CGNL1: variants seen among roughly 807,000 people sequenced by gnomAD.
CGNL1 encodes cingulin like 1, also known as cingulin-like protein 1.
Under a neutral mutation model 141.2 loss-of-function variants are expected in CGNL1, and 132 were observed. The observed-to-expected ratio is 0.93, with a 90% CI of 0.81 to 1.08. The LOEUF is 1.08. Among genes scored for constraint, CGNL1 ranks in the 50% least tolerant of loss-of-function variants. CGNL1 has a pLI of 0.00. For missense variants in CGNL1, 1,870 were observed against 1,588.6 expected (o/e 1.18, Z -3.01); for synonymous variants, 690 against 622.1 (o/e 1.11, Z -1.63).
In CGNL1 at chr15:57,438,062, C is replaced by T. The variant is rs749013050; in HGVS notation, c.63C>T (p.Leu21=). Reference sequence around the variant, plus strand: ...AGGAATATGGGGTCCATCTGAGACTCGCAAGTGATGATACCCAAAAATCAA... The same window carrying T: ...AGGAATATGGGGTCCATCTGAGACTTGCAAGTGATGATACCCAAAAATCAA... ...VQQEYGVHLR[L]ASDDTQKSRS... The change falls in exon 2 of 19, where the codon CTC becomes CTT. Residue 21 remains leucine (L), a synonymous_variant. Coordinates refer to ENST00000281282, the MANE Select transcript of CGNL1 (RefSeq NM_032866.5). 1.1e-5 allele frequency: 18 copies of T among 1,613,990 alleles called. No homozygotes were observed. Among genetic ancestry groups the T allele is most frequent in the Middle Eastern group, 1.6e-4 (1 of 6,062 alleles).
intron 1 of CGNL1, among the ~76,000 whole-genome samples, chr15:57,404,369 G>A (rs1380407069): frequency 1.3e-5 from 2 of 152,160 alleles, no homozygotes; most frequent in African/African-American, 4.8e-5. Context: ...ATGTTTTATA[G>A]CTTGTAAGAT....
rs185129071 is a variant in CGNL1, at chr15:57,521,089, G to A, written c.2716-2400G>A. ...TTGATGAGCTTGTATTCCTGGCCTC[G>A]GAAATAGAGTCTCTGTAGCTACAGA... On this transcript the variant is annotated intron_variant, in intron 10 of 18. Transcript: ENST00000281282. Among the ~76,000 whole-genome samples the A allele has an allele frequency of 1.3e-4, 20 of 152,108 alleles. 1 individual carries two copies. Among genetic ancestry groups the A allele is most frequent in the Admixed American group, 5.2e-4 (8 of 15,278 alleles).
At chr15:57,545,549 G>T in intron 16 of CGNL1, 43 bp from the exon 17 acceptor site, 2 of 1,566,612 alleles carry the variant, frequency 1.3e-6, no homozygotes, top group South Asian at 1.2e-5. Flanking sequence ...CCCCTGCAGG[G>T]ATGGGAGTGA....
intron 1 of CGNL1, among the ~76,000 whole-genome samples, chr15:57,379,920 G>A (rs1188308404): frequency 6.6e-6 from 1 of 152,154 alleles, no homozygotes; most frequent in African/African-American, 2.4e-5. Flanking sequence ...TCAGCCTGGT[G>A]TCCCCCGTGT....
chr15:57,437,285 T>G (rs1303850797), intron 1 of CGNL1, among the ~76,000 whole-genome samples: 1 of 152,176 alleles, frequency 6.6e-6, no homozygotes, highest in Non-Finnish European at 1.5e-5. Context: ...CTATTGAACT[T>G]TTTTGCTAAG....
chr15:57,506,832 A>G (rs1396810596), intron 8 of CGNL1, among the ~76,000 whole-genome samples: 1 of 152,228 alleles, frequency 6.6e-6, no homozygotes, highest in Non-Finnish European at 1.5e-5. Context: ...TTTTAGAATA[A>G]TGAGAAAACT....
intron 8 of CGNL1, among the ~76,000 whole-genome samples, chr15:57,490,175 C>T (rs995877871): frequency 5.3e-5 from 8 of 152,110 alleles, no homozygotes; most frequent in Admixed American, 5.2e-4. Context: ...GGCTGTGTTA[C>T]TCTGCTATTA....
intron 12 of CGNL1, among the ~76,000 whole-genome samples, chr15:57,528,420 A>C (rs2031748272): frequency 6.6e-6 from 1 of 152,184 alleles, no homozygotes; most frequent in African/African-American, 2.4e-5. Context: ...AATATCTACC[A>C]AATAGAATTT....
At chr15:57,517,630 G>C (rs2030917517) in intron 9 of CGNL1, among the ~76,000 whole-genome samples, 1 of 152,192 alleles carries the variant, frequency 6.6e-6, no homozygotes, top group African/African-American at 2.4e-5. Context: ...CCTCTAGCGA[G>C]GGCCGTCCTT....
intron 1 of CGNL1, among the ~76,000 whole-genome samples, chr15:57,437,590 C>A: frequency 3.0e-5 from 1 of 33,100 alleles, no homozygotes. Flanking sequence ...AAATAAACAG[C>A]ATAAAGTTTC....
chr15:57,380,064 G>A (rs1468363201), intron 1 of CGNL1, among the ~76,000 whole-genome samples: 2 of 152,020 alleles, frequency 1.3e-5, no homozygotes, highest in Non-Finnish European at 2.9e-5. Context: ...TTGAGACTCT[G>A]CTCTGTCACC....
intron 8 of CGNL1, among the ~76,000 whole-genome samples, chr15:57,511,228 A>G (rs74016236): frequency 0.031 from 4,742 of 152,258 alleles, 250 homozygotes; most frequent in African/African-American, 0.11. Flanking sequence ...CATGTAGCCA[A>G]CTAAAAACAT....
intron 1 of CGNL1, among the ~76,000 whole-genome samples, chr15:57,387,455 C>T (rs555542249): frequency 6.6e-6 from 1 of 152,198 alleles, no homozygotes; most frequent in South Asian, 2.1e-4. Context: ...TTCTAATGAC[C>T]CTTGAAATGA....
intron 8 of CGNL1, among the ~76,000 whole-genome samples, chr15:57,513,300 G>A (rs974115494): frequency 1.4e-5 from 2 of 142,522 alleles, no homozygotes; most frequent in African/African-American, 5.2e-5. Flanking sequence ...GTGTGTTTGT[G>A]TGATTGGCTT....
chr15:57,421,058 A>G (rs957645740), intron 1 of CGNL1, among the ~76,000 whole-genome samples: 20 of 152,166 alleles, frequency 1.3e-4, no homozygotes, highest in African/African-American at 4.6e-4. Flanking sequence ...GGTCATGAGG[A>G]TGGGGCCCTT....
At chr15:57,535,739 T>G (rs2032224043) in intron 14 of CGNL1, among the ~76,000 whole-genome samples, 1 of 152,098 alleles carries the variant, frequency 6.6e-6, no homozygotes, top group African/African-American at 2.4e-5. Flanking sequence ...TTGAGCACAA[T>G]AGTGAAGCAT....
At chr15:57,513,270 GTGTGTGTGTGTGTGTGTGTGTGTGTT>G (rs1441217204) in intron 8 of CGNL1, among the ~76,000 whole-genome samples, 1 of 133,494 alleles carries the variant, frequency 7.5e-6, no homozygotes, top group Non-Finnish European at 1.6e-5. Context: ...GTGTGTGTGT[GTGTGTGTGTGTGTGTGTGTGTGTGTT>G]TGTGTGATTG....
At chr15:57,396,826 C>T (rs530289928) in intron 1 of CGNL1, 26 of 152,176 alleles carry the variant, frequency 1.7e-4, no homozygotes, top group African/African-American at 6.3e-4. Context: ...TATGGACTTA[C>T]CTGGTAAGAA....
chr15:57,432,474 A>G (rs753106312), intron 1 of CGNL1, among the ~76,000 whole-genome samples: 2 of 152,230 alleles, frequency 1.3e-5, no homozygotes, highest in African/African-American at 2.4e-5. Flanking sequence ...TAAAGCAATT[A>G]TCATCATTTA....
Sources: allele counts gnomAD v4.1 joint callset (sites outside exome capture counted in the v4.1 genomes callset), GRCh38; gene constraint gnomAD v4.1.1; transcripts MANE v1.5; gene names NCBI Gene and HGNC (gene_info 2026-07-23, HGNC 2026-07-21).